Variants in TMEM266 observed in about 807,000 individuals in gnomAD.
TMEM266 encodes Hv1 related protein 1.
Under a neutral mutation model 50.5 loss-of-function variants are expected in TMEM266, and 33 were observed. The observed-to-expected ratio is 0.65, with a 90% CI of 0.50 to 0.87. The LOEUF is 0.87. TMEM266 is among the 40% of genes least tolerant of loss of function. The probability of loss-of-function intolerance (pLI) is 0.00; values close to 1 mark genes in which losing one functional copy is unlikely to be tolerated. For missense variants in TMEM266, 655 were observed against 695.1 expected (o/e 0.94, Z 0.65); for synonymous variants, 310 against 292.3 (o/e 1.06, Z -0.62).
At chr15:76,187,566 C>T (rs989750309) in intron 8 of TMEM266, among the ~76,000 whole-genome samples, 2 of 152,224 alleles carry the variant, frequency 1.3e-5, no homozygotes, top group Admixed American at 6.5e-5. Context: ...AAAGGCTGCC[C>T]TATAATGAGC....
intron 1 of TMEM266, among the ~76,000 whole-genome samples, chr15:76,097,705 T>G (rs1038399828): frequency 1.3e-5 from 2 of 152,070 alleles, no homozygotes; most frequent in African/African-American, 4.8e-5. Context: ...GTTTTCCAAC[T>G]TGGTACCATT....
At chr15:76,115,306 C>T (rs533285821) in intron 1 of TMEM266, among the ~76,000 whole-genome samples, 5 of 152,182 alleles carry the variant, frequency 3.3e-5, no homozygotes, top group Non-Finnish European at 5.9e-5. Context: ...GTATTGTTTC[C>T]TTCACTTTCC....
chr15:76,095,699 C>T lies in TMEM266; in HGVS notation c.-97+35683C>T, dbSNP rs145884806. On this transcript the variant is annotated intron_variant, in intron 1 of 10. Coordinates refer to ENST00000388942, the MANE Select transcript of TMEM266 (RefSeq NM_152335.3). ...GTTTCAGAAGGAATGGTACCAGCTCCTCCTTGTACCTCTGGTAGAATTCGG... is the reference window on the plus strand; with the variant it reads ...GTTTCAGAAGGAATGGTACCAGCTCTTCCTTGTACCTCTGGTAGAATTCGG... Among the ~76,000 whole-genome samples the T allele has an allele frequency of 9.8e-3, 1,496 of 152,076 alleles. 18 individuals are homozygous for T. The highest frequency in any genetic ancestry group is 0.034 in the African/African-American group (1,413 of 41,536).
Position 76,131,375 on chromosome 15 carries a change from A to G in TMEM266, c.-96-2793A>G, listed in dbSNP as rs149147669. Among the ~76,000 whole-genome samples, 801 of 152,328 alleles carry G rather than the reference A, an allele frequency of 5.3e-3. 6 individuals carry two copies. The highest frequency in any genetic ancestry group is 0.019 in the African/African-American group (777 of 41,572). ...GGCAACAAGAGCGAAACTCTGTCTC[A>G]AACAAACAAACAAACCTCATTTGGA... On this transcript the variant is annotated intron_variant, in intron 1 of 10. Coordinates refer to ENST00000388942, the MANE Select transcript of TMEM266 (RefSeq NM_152335.3).
chr15:76,202,055 G>T, intron 9 of TMEM266, 147 bp from the exon 10 acceptor site: 1 of 634,984 alleles, frequency 1.6e-6, no homozygotes. Context: ...GGTCCCCATG[G>T]AGAACTAAGA....
intron 3 of TMEM266, among the ~76,000 whole-genome samples, chr15:76,154,719 T>A (rs565685470): frequency 6.6e-6 from 1 of 152,172 alleles, no homozygotes; most frequent in Non-Finnish European, 1.5e-5. Context: ...AGTCTTTGCA[T>A]TCCCCACAGA....
intron 8 of TMEM266, among the ~76,000 whole-genome samples, chr15:76,180,789 T>C (rs377655076): frequency 7.2e-5 from 11 of 151,890 alleles, no homozygotes; most frequent in African/African-American, 1.9e-4. Context: ...AATTTTTGTA[T>C]TTTTAGTAGA....
rs1021788635 is a variant in TMEM266 at position 76,139,155 on chromosome 15, C to G, written c.227+1260C>G. Among the ~76,000 whole-genome samples the G allele has an allele frequency of 6.6e-6, 1 of 152,180 alleles. No individual in the cohort carries two copies. Among genetic ancestry groups the G allele is most frequent in the African/African-American group, 2.4e-5 (1 of 41,432 alleles). On this transcript the variant is annotated intron_variant, in intron 3 of 10. Transcript: ENST00000388942. The surrounding 1 kb of genome is among the most constrained non-coding windows in gnomAD (Gnocchi z 4.1). ...AGGTATTTTAGAAGCAAACGAGAAG[C>G]CTTAGCTCAAGCTAAATTTGCAGAG...
At position 76,203,938 on chromosome 15, in the gene TMEM266, T is replaced by G. The variant is rs1241186519; in HGVS notation, c.1219T>G (p.Ser407Ala). The G allele has an allele frequency of 6.2e-7, 1 of 1,613,874 alleles. No individual in the cohort carries two copies. ...GAGTGACAGCAGCCAGACGCTGGGCTCCTCCATGGACTGCAGCACTGCCCG... is the reference window on the plus strand; with the variant it reads ...GAGTGACAGCAGCCAGACGCTGGGCGCCTCCATGGACTGCAGCACTGCCCG... Residue 407 changes from serine to alanine, a missense_variant, in exon 11 of 11, where the codon TCC becomes GCC. By Grantham distance (99) the Ser-to-Ala change is moderately conservative. This residue lies in a region of TMEM266 where 455 missense variants were observed against 401.8 expected (regional missense o/e 1.13). Transcript: ENST00000388942.
At chr15:76,105,586 A>G (rs1461781654) in intron 1 of TMEM266, among the ~76,000 whole-genome samples, 1 of 152,258 alleles carries the variant, frequency 6.6e-6, no homozygotes, top group Non-Finnish European at 1.5e-5. Flanking sequence ...GCAGTCTGAC[A>G]GTATATAAAT....
In TMEM266 at chr15:76,175,670, A is replaced by G. The variant is rs1275777688; in HGVS notation, c.764A>G (p.Gln255Arg). The change falls in exon 8 of 11, where the codon CAA (glutamine) becomes CGA (arginine). Residue 255 changes from glutamine to arginine, a missense_variant. Coordinates refer to ENST00000388942, the MANE Select transcript of TMEM266 (RefSeq NM_152335.3). Reference sequence around the variant, plus strand: ...AGGCTGACGCAGATCTGTCAGGAGCAAGGGGTAATGCACTGCCACTTTCGG... The same window carrying G: ...AGGCTGACGCAGATCTGTCAGGAGCGAGGGGTAATGCACTGCCACTTTCGG... 2 of 1,613,552 alleles carry G rather than the reference A, an allele frequency of 1.2e-6. No individual in the cohort carries two copies. Among genetic ancestry groups the G allele is most frequent in the Non-Finnish European group, 1.7e-6 (2 of 1,179,630 alleles).
intron 1 of TMEM266, among the ~76,000 whole-genome samples, chr15:76,098,884 A>G (rs1331981885): frequency 6.6e-6 from 1 of 152,098 alleles, no homozygotes; most frequent in Non-Finnish European, 1.5e-5. Flanking sequence ...GTGAGCGTGA[A>G]ACTGCCTACT....
intron 1 of TMEM266, among the ~76,000 whole-genome samples, chr15:76,104,575 T>C (rs376759248): frequency 6.6e-6 from 1 of 151,928 alleles, no homozygotes; most frequent in Non-Finnish European, 1.5e-5. Context: ...TCCCAGCACT[T>C]TGGGAGGCCG....
intron 5 of TMEM266, among the ~76,000 whole-genome samples, chr15:76,165,082 G>A (rs918912962): frequency 1.7e-4 from 26 of 152,260 alleles, no homozygotes; most frequent in African/African-American, 6.3e-4. Context: ...TCGGCCTCAG[G>A]CAGCAGGAAG....
intron 1 of TMEM266, among the ~76,000 whole-genome samples, chr15:76,115,418 C>T (rs2037232038): frequency 6.6e-6 from 1 of 152,198 alleles, no homozygotes. Flanking sequence ...AAATCAAAAC[C>T]TTGGTCTCTC....
At chr15:76,134,115 G>A in intron 1 of TMEM266, 53 bp from the exon 2 acceptor site, 4 of 737,686 alleles carry the variant, frequency 5.4e-6, no homozygotes, top group Non-Finnish European at 9.1e-6. Context: ...GATGAGCTTA[G>A]GAGGACTTTG....
intron 1 of TMEM266, among the ~76,000 whole-genome samples, chr15:76,105,533 A>T (rs935454392): frequency 6.6e-6 from 1 of 152,226 alleles, no homozygotes; most frequent in Admixed American, 6.5e-5. Context: ...TCTGGGACAC[A>T]TGGTCTCTGT....
intron 1 of TMEM266, among the ~76,000 whole-genome samples, chr15:76,088,465 C>T (rs888986196): frequency 3.9e-5 from 6 of 151,978 alleles, no homozygotes; most frequent in African/African-American, 7.2e-5. Flanking sequence ...CCAACCTGGG[C>T]AACAGAGGGA....
chr15:76,171,255 G>A lies in TMEM266; in HGVS notation c.652+124G>A, dbSNP rs974194970. The A allele has an allele frequency of 1.6e-5, 22 of 1,339,838 alleles. No individual in the cohort carries two copies. The African/African-American group carries it at 1.9e-4, about 12-fold the overall frequency. The allele number at this position is 1,339,838 out of a possible 1,614,324, so 83.0% of individuals were successfully genotyped here. ...CGTCAGGACGGAAGGTGAAACTGTCGGCAGGGAGAGGGGCCAGCTGTCCCT... is the reference window on the plus strand; with the variant it reads ...CGTCAGGACGGAAGGTGAAACTGTCAGCAGGGAGAGGGGCCAGCTGTCCCT... On this transcript the variant is annotated intron_variant, in intron 7 of 10. Transcript: ENST00000388942.
Sources: allele counts gnomAD v4.1 joint callset (sites outside exome capture counted in the v4.1 genomes callset), GRCh38; gene constraint gnomAD v4.1.1; regional missense constraint gnomAD v4.1.1; non-coding constraint Gnocchi (gnomAD v3.1); transcripts MANE v1.5; gene names NCBI Gene and HGNC (gene_info 2026-07-23, HGNC 2026-07-21).